CTNNA1: variants seen among roughly 807,000 people sequenced by gnomAD.
CTNNA1 encodes the protein catenin alpha-1.
Under a neutral mutation model 98.4 loss-of-function variants are expected in CTNNA1, and 37 were observed. The observed-to-expected ratio is 0.38, with a 90% CI of 0.29 to 0.49. The LOEUF (loss-of-function observed/expected upper bound fraction) is 0.49, where lower values mean the gene tolerates loss of function less well. Ranked by LOEUF, CTNNA1 falls within the 20% of genes least tolerant of loss-of-function variation. The pLI is 0.95. For missense variants in CTNNA1, 761 were observed against 1,147.2 expected (o/e 0.66, Z 4.86); for synonymous variants, 404 against 413.2 (o/e 0.98, Z 0.27).
chr5:138,789,147 A>T lies in CTNNA1; in HGVS notation c.301+5775A>T, dbSNP rs141020075. On this transcript the variant is annotated intron_variant, in intron 3 of 17. Coordinates refer to ENST00000302763, the MANE Select transcript of CTNNA1 (RefSeq NM_001903.5). ...TGATAGTGTGTGGTCCCTGAGGGGG[A>T]GATGGTATTCTAGCACATAGGAGGC... is the stretch of plus-strand genomic sequence containing the variant. Among the ~76,000 whole-genome samples the T allele has an allele frequency of 1.7e-4, 26 of 151,482 alleles. No individual in the cohort carries two copies. The East Asian group carries it at 4.9e-3, about 28-fold the overall frequency.
Position 138,783,177 on chromosome 5 carries a change from G to GT in CTNNA1, c.108dup (p.Thr37TyrfsTer8). On this transcript the variant is annotated frameshift_variant and splice_region_variant, in exon 3 of 18. Coordinates refer to ENST00000302763, the MANE Select transcript of CTNNA1 (RefSeq NM_001903.5). LOFTEE classifies it high-confidence loss of function. ...TTAATGTTAAAAATGAAACTTTTAGGTTACAACCCTTGTAAACACCAATAG... is the reference window on the plus strand; with the variant it reads ...TTAATGTTAAAAATGAAACTTTTAGGTTTACAACCCTTGTAAACACCAATAG... The GT allele has an allele frequency of 6.3e-7, 1 of 1,589,916 alleles. No individual in the cohort carries two copies. The highest frequency in any genetic ancestry group is 8.6e-7 in the Non-Finnish European group (1 of 1,167,220).
At chr5:138,916,191 AG>A (rs1289115758) in intron 10 of CTNNA1, among the ~76,000 whole-genome samples, 146 of 151,558 alleles carry the variant, frequency 9.6e-4, no homozygotes, top group Middle Eastern at 6.8e-3. Flanking sequence ...AAAAAAAAAA[AG>A]AAGGGGCTAA....
rs1554085478 is a variant in CTNNA1, at chr5:138,827,621, C to T, written c.965C>T (p.Ser322Leu). 1 of 1,614,214 alleles carries T rather than the reference C, an allele frequency of 6.2e-7. No individual in the cohort carries two copies. The highest frequency in any genetic ancestry group is 8.5e-7 in the Non-Finnish European group (1 of 1,180,040). Residue 322 changes from serine (S) to leucine (L), a missense_variant, in exon 7 of 18, where the codon TCG (serine) becomes TTG (leucine). Coordinates refer to ENST00000302763, the MANE Select transcript of CTNNA1 (RefSeq NM_001903.5). ...AGTGGGGCTGCCTTGATGGCCGACT[C>T]GTCCTGCACGCGTGATGACCGTCGT... ...IISGAALMAD[S>L]SCTRDDRRER... is the part of the protein sequence containing the mutation.
At chr5:138,923,684 C>G (rs764857526) in intron 11 of CTNNA1, among the ~76,000 whole-genome samples, 6 of 152,254 alleles carry the variant, frequency 3.9e-5, no homozygotes, top group South Asian at 2.1e-4. Context: ...CTGCATAGTT[C>G]CCATAATTCA....
At chr5:138,926,458 C>T (rs954306482) in intron 13 of CTNNA1, among the ~76,000 whole-genome samples, 1 of 152,266 alleles carries the variant, frequency 6.6e-6, no homozygotes, top group Non-Finnish European at 1.5e-5. Context: ...TGCCCTGCAA[C>T]AGGCGTCCAC....
chr5:138,825,481 A>ATTTTTTTTTTTTTTTTTTTT, intron 6 of CTNNA1, among the ~76,000 whole-genome samples: 1 of 21,334 alleles, frequency 4.7e-5, no homozygotes, highest in East Asian at 6.0e-3. Flanking sequence ...CAGCAGTATA[A>ATTTTTTTTTTTTTTTTTTTT]GTTTTTTTTT....
In CTNNA1 at chr5:138,934,408, G is replaced by A. The variant is rs754728698; in HGVS notation, c.*319G>A. ...AGATGCCCATTCTCTTAGTGATGGC[G>A]GCGTTAGGGTTTGAGAGAAGGGAAT... On this transcript the variant is annotated 3_prime_UTR_variant, in exon 18 of 18. Transcript: ENST00000302763. 1.3e-4 allele frequency: 37 copies of A among 281,400 alleles called. No individual in the cohort carries two copies. The highest frequency in any genetic ancestry group is 2.7e-4 in the African/African-American group (12 of 44,596). 17.4% of individuals were successfully genotyped at this position (281,400 alleles called of 1,614,324 possible).
chr5:138,904,619 A>G (rs887273270), intron 10 of CTNNA1, 178 bp downstream of exon 10: 6 of 792,050 alleles, frequency 7.6e-6, no homozygotes, highest in Middle Eastern at 3.4e-4. Flanking sequence ...ACATTAAGTG[A>G]CATTTGCACG....
At chr5:138,759,496 G>A (rs1444705006) in intron 1 of CTNNA1, among the ~76,000 whole-genome samples, 1 of 152,218 alleles carries the variant, frequency 6.6e-6, no homozygotes, top group East Asian at 1.9e-4. Context: ...AAGGAAGTAG[G>A]GAGGTGGGGG....
Position 138,873,330 on chromosome 5 carries a change from A to G in CTNNA1, c.1063-12882A>G. ...AAGATGGCATTGTCTGGTTCAGGAA[A>G]GTGTTCCTCGGTAGTAACTGCTATG... On this transcript the variant is annotated intron_variant, in intron 7 of 17. Coordinates refer to ENST00000302763, the MANE Select transcript of CTNNA1 (RefSeq NM_001903.5). The surrounding 1 kb of genome is among the most constrained non-coding windows in gnomAD (Gnocchi z 6.1). 2 of 1,614,064 alleles carry G rather than the reference A, an allele frequency of 1.2e-6. No individual in the cohort carries two copies. The highest frequency in any genetic ancestry group is 1.3e-5 in the African/African-American group (1 of 75,070).
chr5:138,929,961 C>T (rs1215000987), intron 14 of CTNNA1, among the ~76,000 whole-genome samples: 2 of 152,156 alleles, frequency 1.3e-5, no homozygotes, highest in Admixed American at 6.5e-5. Flanking sequence ...GCTCCCCAGC[C>T]GTAGGTCTGT....
chr5:138,933,602 G>A (rs1168201748), intron 17 of CTNNA1, among the ~76,000 whole-genome samples, 200 bp from the exon 18 acceptor site: 1 of 152,172 alleles, frequency 6.6e-6, no homozygotes, highest in African/African-American at 2.4e-5. Context: ...AGGGTCTGAG[G>A]GCAGGCGCTT....
In CTNNA1 at chr5:138,874,566, A is replaced by G; in HGVS notation, c.1063-11646A>G. 9 of 1,487,312 alleles carry G rather than the reference A, an allele frequency of 6.1e-6. No individual in the cohort carries two copies. Among genetic ancestry groups the G allele is most frequent in the Non-Finnish European group, 8.2e-6 (9 of 1,103,042 alleles). The allele number at this position is 1,487,312 out of a possible 1,614,324, so 92.1% of individuals were successfully genotyped here. A position where few individuals can be genotyped will look rare whatever the true frequency, so the allele number is the denominator to read the frequency against. ...CACTTGAAATGTAAGCCTGCAGAAT[A>G]TAATTTAAGGAAAACAAGAAGATAG... is the stretch of plus-strand genomic sequence containing the variant. On this transcript the variant is annotated intron_variant, in intron 7 of 17. Coordinates refer to ENST00000302763, the MANE Select transcript of CTNNA1 (RefSeq NM_001903.5). The surrounding 1 kb of genome is among the most constrained non-coding windows in gnomAD (Gnocchi z 4.1).
At chr5:138,823,418 TATAATC>T (rs1287059913) in intron 5 of CTNNA1, among the ~76,000 whole-genome samples, 1 of 152,214 alleles carries the variant, frequency 6.6e-6, no homozygotes, top group East Asian at 1.9e-4. Context: ...TACAGAGTCT[TATAATC>T]ATAGATTGGG....
rs1373734447 is a variant in CTNNA1 at position 138,777,105 on chromosome 5, G to A, written c.-2-4818G>A. ...AGGGGCTCCTCACTTCTCATATGGGGCGGTTGCCAGGCGGAGGGTCTCCTC... is the reference window on the plus strand; with the variant it reads ...AGGGGCTCCTCACTTCTCATATGGGACGGTTGCCAGGCGGAGGGTCTCCTC... On this transcript the variant is annotated intron_variant, in intron 1 of 17. Coordinates refer to ENST00000302763, the MANE Select transcript of CTNNA1 (RefSeq NM_001903.5). 7.2e-5 allele frequency among the ~76,000 whole-genome samples: 11 copies of A among 151,944 alleles called. No individual in the cohort carries two copies. In the East Asian group the frequency reaches 2.2e-3, roughly 30 times the overall value.
At chr5:138,798,815 T>G (rs1177941441) in intron 3 of CTNNA1, among the ~76,000 whole-genome samples, 2 of 152,176 alleles carry the variant, frequency 1.3e-5, no homozygotes, top group African/African-American at 4.8e-5. Flanking sequence ...TGTTAGTAGA[T>G]GTAGTGTAGT....
chr5:138,860,655 C>T (rs1319156856), intron 7 of CTNNA1, among the ~76,000 whole-genome samples: 1 of 152,094 alleles, frequency 6.6e-6, no homozygotes, highest in African/African-American at 2.4e-5. Context: ...GCCACCATGC[C>T]CAGCTAGTTT....
At chr5:138,849,428 AAAAAAC>A (rs1370812229) in intron 7 of CTNNA1, among the ~76,000 whole-genome samples, 8 of 152,362 alleles carry the variant, frequency 5.3e-5, no homozygotes, top group East Asian at 1.9e-4. Context: ...CTATGTATTT[AAAAAAC>A]AAAAACAAAA....
intron 7 of CTNNA1, among the ~76,000 whole-genome samples, chr5:138,852,720 C>T (rs1217085378): frequency 6.6e-6 from 1 of 151,828 alleles, no homozygotes; most frequent in African/African-American, 2.4e-5. Flanking sequence ...TGATTTCCCT[C>T]CTTCCCTTCT....
Sources: allele counts gnomAD v4.1 joint callset (sites outside exome capture counted in the v4.1 genomes callset), GRCh38; gene constraint gnomAD v4.1.1; non-coding constraint Gnocchi (gnomAD v3.1); transcripts MANE v1.5; gene names NCBI Gene and HGNC (gene_info 2026-07-23, HGNC 2026-07-21).